Variants in BTBD9 observed in about 807,000 individuals in gnomAD.
BTBD9 encodes the protein BTB domain containing 9.
BTBD9 carries 49 observed loss-of-function variants against 64.3 expected under a neutral mutation model. The ratio of observed to expected loss-of-function variants is 0.76; its 90% CI spans 0.61 to 0.97. BTBD9 has a LOEUF of 0.97. BTBD9 is among the 50% of genes least tolerant of loss of function. The probability of loss-of-function intolerance (pLI) is 0.00; values close to 1 mark genes in which losing one functional copy is unlikely to be tolerated. For missense variants in BTBD9, 598 were observed against 762.1 expected (o/e 0.78, Z 2.53); for synonymous variants, 260 against 274.7 (o/e 0.95, Z 0.53).
At chr6:38,378,026 G>A (rs545780850) in intron 6 of BTBD9, among the ~76,000 whole-genome samples, 3 of 152,112 alleles carry the variant, frequency 2.0e-5, no homozygotes, top group South Asian at 2.1e-4. Context: ...AAATTTTCCT[G>A]GTCATGTGAT....
intron 6 of BTBD9, among the ~76,000 whole-genome samples, chr6:38,390,634 A>G (rs563502891): frequency 6.6e-6 from 1 of 152,192 alleles, no homozygotes; most frequent in South Asian, 2.1e-4. Flanking sequence ...CCTAGACAAT[A>G]CCCCCAAATT....
chr6:38,225,646 T>C (rs769503993), intron 9 of BTBD9, among the ~76,000 whole-genome samples: 4 of 152,186 alleles, frequency 2.6e-5, no homozygotes, highest in Non-Finnish European at 5.9e-5. Flanking sequence ...CTTAAAATTA[T>C]AAATTGTGAC....
chr6:38,527,659 A>C (rs1773569872), intron 6 of BTBD9, among the ~76,000 whole-genome samples: 1 of 152,054 alleles, frequency 6.6e-6, no homozygotes, highest in Non-Finnish European at 1.5e-5. Flanking sequence ...TAAATTACCC[A>C]GTCTTGGATA....
chr6:38,260,345 A>G (rs1764747481), intron 8 of BTBD9, among the ~76,000 whole-genome samples: 1 of 152,172 alleles, frequency 6.6e-6, no homozygotes, highest in African/African-American at 2.4e-5. Context: ...TATTTTCCCC[A>G]GTGGGATTTT....
chr6:38,619,961 CCT>C (rs1200494729), intron 1 of BTBD9, among the ~76,000 whole-genome samples: 1 of 152,122 alleles, frequency 6.6e-6, no homozygotes, highest in Non-Finnish European at 1.5e-5. Context: ...TTTGTTGCCC[CCT>C]ACTTGAGGAG....
chr6:38,600,275 A>C (rs1454846178), intron 1 of BTBD9, among the ~76,000 whole-genome samples: 1 of 152,212 alleles, frequency 6.6e-6, no homozygotes, highest in Non-Finnish European at 1.5e-5. Flanking sequence ...GAAAATGAAT[A>C]AACATGGCTA....
At chr6:38,357,350 T>C (rs1764765551) in intron 6 of BTBD9, among the ~76,000 whole-genome samples, 1 of 152,222 alleles carries the variant, frequency 6.6e-6, no homozygotes, top group Non-Finnish European at 1.5e-5. Flanking sequence ...TCATCTGCTT[T>C]ACATCTTTCT....
chr6:38,303,852 T>TTCACCAGC (rs1762503993), intron 7 of BTBD9, among the ~76,000 whole-genome samples: 1 of 113,368 alleles, frequency 8.8e-6, no homozygotes, highest in Non-Finnish European at 1.8e-5. Context: ...TATATATATA[T>TTCACCAGC]ATATATATAT....
At chr6:38,489,981 C>T (rs1274388514) in intron 6 of BTBD9, among the ~76,000 whole-genome samples, 1 of 152,028 alleles carries the variant, frequency 6.6e-6, no homozygotes, top group Non-Finnish European at 1.5e-5. Flanking sequence ...GTAGCATTTC[C>T]AGCTAGTCAA....
At chr6:38,208,203 T>A (rs1179769494) in intron 9 of BTBD9, among the ~76,000 whole-genome samples, 1 of 152,164 alleles carries the variant, frequency 6.6e-6, no homozygotes, top group African/African-American at 2.4e-5. Flanking sequence ...CGGTGCCCTC[T>A]CCAAGTTGCG....
intron 6 of BTBD9, among the ~76,000 whole-genome samples, chr6:38,375,935 GAAA>G (rs1765671942): frequency 1.0e-5 from 1 of 98,464 alleles, no homozygotes; most frequent in African/African-American, 4.8e-5. Context: ...AAGAAAGAAA[GAAA>G]GAAGGAAAGA....
intron 10 of BTBD9, among the ~76,000 whole-genome samples, chr6:38,189,560 A>G (rs897524301): frequency 6.6e-6 from 1 of 151,732 alleles, no homozygotes; most frequent in African/African-American, 2.4e-5. Flanking sequence ...GCATAATCAT[A>G]GCTCACTGCA....
chr6:38,603,100 C>CT (rs1777314092), intron 1 of BTBD9, among the ~76,000 whole-genome samples: 2 of 152,158 alleles, frequency 1.3e-5, no homozygotes, highest in South Asian at 4.1e-4. Context: ...AATGTATTCA[C>CT]TCAAACTGTT....
At chr6:38,210,551 TGTG>T (rs1762799959) in intron 9 of BTBD9, among the ~76,000 whole-genome samples, 1 of 151,080 alleles carries the variant, frequency 6.6e-6, no homozygotes, top group African/African-American at 2.4e-5. Context: ...TGTGTGTGTG[TGTG>T]TGTGTGTGTG....
intron 7 of BTBD9, among the ~76,000 whole-genome samples, chr6:38,326,739 T>C (rs780724399): frequency 3.8e-4 from 57 of 150,714 alleles, no homozygotes; most frequent in Admixed American, 2.7e-3. Context: ...TGAACATTAA[T>C]TCATCAAAGA....
At chr6:38,589,168 T>C (rs566665782) in intron 4 of BTBD9, among the ~76,000 whole-genome samples, 1 of 152,320 alleles carries the variant, frequency 6.6e-6, no homozygotes, top group East Asian at 1.9e-4. Flanking sequence ...TTAACATTGA[T>C]GAACAACAAT....
At chr6:38,505,434 G>C (rs1318497542) in intron 6 of BTBD9, among the ~76,000 whole-genome samples, 1 of 151,994 alleles carries the variant, frequency 6.6e-6, no homozygotes, top group Non-Finnish European at 1.5e-5. Flanking sequence ...AGATTAGCGA[G>C]GCCAACATGG....
In BTBD9 at chr6:38,592,823, G is replaced by C. The variant is rs768541771; in HGVS notation, c.567C>G (p.Ile189Met). Residue 189 changes from isoleucine to methionine, a missense_variant, in exon 4 of 11, where the codon ATC (isoleucine) becomes ATG (methionine). Ile to Met is a conservative substitution (Grantham distance 10). Coordinates refer to ENST00000481247, the MANE Select transcript of BTBD9 (RefSeq NM_001099272.2). ...GAGCTGCAAATGAGTCTCTTAACAC[G>C]ATGTTTAAAAGTGCTGTCTGAAAAG... is the stretch of plus-strand genomic sequence containing the variant. ...LSLSKTALLNIVLRDSFAAPE... is the reference protein window; with the variant it reads ...LSLSKTALLNMVLRDSFAAPE... 6.2e-7 allele frequency: 1 copy of C among 1,614,038 alleles called. No individual in the cohort carries two copies.
At chr6:38,226,756 T>C (rs1041830065) in intron 9 of BTBD9, among the ~76,000 whole-genome samples, 1 of 152,164 alleles carries the variant, frequency 6.6e-6, no homozygotes, top group Non-Finnish European at 1.5e-5. Flanking sequence ...CACACAAACA[T>C]GCACACACAC....
Sources: allele counts gnomAD v4.1 joint callset (sites outside exome capture counted in the v4.1 genomes callset), GRCh38; gene constraint gnomAD v4.1.1; transcripts MANE v1.5; gene names NCBI Gene and HGNC (gene_info 2026-07-23, HGNC 2026-07-21).